Variants in MYO5B observed in about 807,000 individuals in gnomAD.
The protein encoded by MYO5B is myosin VB.
Under a neutral mutation model 229.3 loss-of-function variants are expected in MYO5B, and 143 were observed. That is an observed-to-expected ratio of 0.62 (90% CI 0.54 to 0.72). The LOEUF (loss-of-function observed/expected upper bound fraction) is 0.72. Ranked by LOEUF, MYO5B falls within the 30% of genes least tolerant of loss-of-function variation. The probability of loss-of-function intolerance (pLI) is 0.00; values close to 1 mark genes in which losing one functional copy is unlikely to be tolerated. For synonymous variants in MYO5B, 918 were observed against 885.2 expected, an observed-to-expected ratio of 1.04 and a Z score of -0.66; for missense variants, 2,321 against 2,331.0, an observed-to-expected ratio of 1.00 and a Z score of 0.09.
In MYO5B at chr18:49,824,985, G is replaced by A. The variant is rs2023824274; in HGVS notation, c.*1486C>T. 1.3e-5 allele frequency: 2 copies of A among 152,252 alleles called. No individual in the cohort carries two copies. The highest frequency in any genetic ancestry group is 4.8e-5 in the African/African-American group (2 of 41,454). The allele number at this position is 152,252 out of a possible 1,614,324, so 9.4% of individuals were successfully genotyped here. A position where few individuals can be genotyped will look rare whatever the true frequency, so the allele number is the denominator to read the frequency against. The stretch of plus-strand genomic sequence containing the variant: ...CAGTGCAGAAGGTAGCGTGGAGTGT[G>A]CTGTGTTTCCAAGAGCCTTTTAAGT... On this transcript the variant is annotated 3_prime_UTR_variant, in exon 40 of 40. Coordinates refer to ENST00000285039, the MANE Select transcript of MYO5B (RefSeq NM_001080467.3).
intron 3 of MYO5B, among the ~76,000 whole-genome samples, chr18:50,038,370 T>C (rs2029901753): frequency 6.6e-6 from 1 of 152,152 alleles, no homozygotes; most frequent in African/African-American, 2.4e-5. Context: ...AACCAGATTA[T>C]TCCACATAAA....
chr18:50,049,096 C>T (rs188075010), intron 2 of MYO5B, among the ~76,000 whole-genome samples: 153 of 151,050 alleles, frequency 1.0e-3, no homozygotes, highest in African/African-American at 3.3e-3. Context: ...GGAGTAGCAT[C>T]AAATATCCTG....
At chr18:50,098,212 T>C (rs1958651346) in intron 1 of MYO5B, among the ~76,000 whole-genome samples, 1 of 152,234 alleles carries the variant, frequency 6.6e-6, no homozygotes, top group South Asian at 2.1e-4. Context: ...GGGGTATACT[T>C]CAACAACAGT....
chr18:49,843,330 A>G lies in MYO5B; in HGVS notation c.4522T>C (p.Cys1508Arg). 6.2e-7 allele frequency: 1 copy of G among 1,614,104 alleles called. No homozygotes were observed. The highest frequency in any genetic ancestry group is 8.5e-7 in the Non-Finnish European group (1 of 1,179,996). Reference sequence around the variant, plus strand: ...TTGGTGTAGTCCGCGTGCCGGATGCACATGTAGAGGATGTAGGCGGGGAGA... The same window carrying G: ...TTGGTGTAGTCCGCGTGCCGGATGCGCATGTAGAGGATGTAGGCGGGGAGA... ...PCLPAYILYM[C>R]IRHADYTNDD... The change falls in exon 34 of 40, where the codon TGC becomes CGC. Residue 1508 changes from cysteine to arginine, a missense_variant. Around this residue, in one of 2 missense-constraint regions of MYO5B, gnomAD observed 2,113 missense variants for 2,044.7 expected, o/e 1.03. Coordinates refer to ENST00000285039, the MANE Select transcript of MYO5B (RefSeq NM_001080467.3).
At chr18:50,065,132 A>G (rs748589428) in intron 1 of MYO5B, among the ~76,000 whole-genome samples, 8 of 152,154 alleles carry the variant, frequency 5.3e-5, no homozygotes, top group Non-Finnish European at 1.0e-4. Context: ...TTAGTCAAAC[A>G]CCTATCTTTG....
intron 7 of MYO5B, among the ~76,000 whole-genome samples, chr18:49,990,015 C>T (rs965489322): frequency 6.6e-6 from 1 of 152,162 alleles, no homozygotes; most frequent in African/African-American, 2.4e-5. Flanking sequence ...TCTGCTTTAT[C>T]CTCACCCCTT....
intron 1 of MYO5B, among the ~76,000 whole-genome samples, chr18:50,120,414 T>C (rs78471277): frequency 4.5e-4 from 69 of 152,288 alleles, no homozygotes; most frequent in African/African-American, 1.5e-3. Flanking sequence ...GGGTGACCCC[T>C]CAATTCTCAG....
At chr18:49,828,617 A>G (rs28479413) in intron 39 of MYO5B, among the ~76,000 whole-genome samples, 3,774 of 152,312 alleles carry the variant, frequency 0.025, 142 homozygotes, top group South Asian at 0.12. Flanking sequence ...ACTTAGCAGC[A>G]TACACATTCT....
At chr18:49,911,728 A>G (rs1393805575) in intron 18 of MYO5B, among the ~76,000 whole-genome samples, 2 of 152,180 alleles carry the variant, frequency 1.3e-5, no homozygotes, top group Non-Finnish European at 2.9e-5. Context: ...GCAGAGCAGA[A>G]TATCTGTGTG....
chr18:49,929,228 T>C lies in MYO5B; in HGVS notation c.2090+284A>G, dbSNP rs1787610. ...GGAATTGAGAGAAGGGGAAATCCTC[T>C]TTGCAACTCTAGCTAGCTCATCACT... On this transcript the variant is annotated intron_variant, in intron 17 of 39. Transcript: ENST00000285039. Among the ~76,000 whole-genome samples the C allele has an allele frequency of 0.52, 78,786 of 151,988 alleles. 20,955 individuals are homozygous for C. Among genetic ancestry groups the C allele is most frequent in the Middle Eastern group, 0.57 (168 of 294 alleles).
chr18:49,899,818 C>T (rs996762729), intron 21 of MYO5B, among the ~76,000 whole-genome samples: 3 of 152,232 alleles, frequency 2.0e-5, no homozygotes, highest in African/African-American at 7.2e-5. Flanking sequence ...CTCCTCCCGT[C>T]TTTTCTGATC....
intron 17 of MYO5B, among the ~76,000 whole-genome samples, chr18:49,913,766 A>G (rs1320295962): frequency 1.3e-5 from 2 of 151,928 alleles, no homozygotes; most frequent in African/African-American, 4.8e-5. Flanking sequence ...CCCCTATCCT[A>G]TACCCATATA....
intron 39 of MYO5B, among the ~76,000 whole-genome samples, chr18:49,830,349 C>G (rs1026732318): frequency 6.6e-6 from 1 of 152,104 alleles, no homozygotes; most frequent in African/African-American, 2.4e-5. Context: ...TGCAACACTT[C>G]TGAAAAAGTC....
chr18:50,168,249 G>C (rs1040423770), intron 1 of MYO5B, among the ~76,000 whole-genome samples: 3 of 152,184 alleles, frequency 2.0e-5, no homozygotes, highest in African/African-American at 4.8e-5. Flanking sequence ...AGCACAGCAA[G>C]GCCTTCAACC....
chr18:49,830,522 A>AG (rs1172399308), intron 39 of MYO5B, among the ~76,000 whole-genome samples: 2 of 152,178 alleles, frequency 1.3e-5, no homozygotes, highest in Non-Finnish European at 2.9e-5. Context: ...TCAAACTTCA[A>AG]GGGATCTTGA....
At chr18:50,080,678 A>G (rs935453618) in intron 1 of MYO5B, among the ~76,000 whole-genome samples, 5 of 152,212 alleles carry the variant, frequency 3.3e-5, no homozygotes, top group South Asian at 2.1e-4. Context: ...AAGAGCCTCA[A>G]TGGAGTTATA....
At chr18:50,160,774 C>T (rs564564423) in intron 1 of MYO5B, among the ~76,000 whole-genome samples, 117 of 152,272 alleles carry the variant, frequency 7.7e-4, no homozygotes, top group African/African-American at 2.7e-3. Flanking sequence ...TAGGGCCTAG[C>T]CCAAAGGAAA....
chr18:50,001,220 C>T (rs2026043269), intron 5 of MYO5B, 35 bp downstream of exon 5: 13 of 1,613,916 alleles, frequency 8.1e-6, no homozygotes, highest in Non-Finnish European at 1.1e-5. Flanking sequence ...GGAGGAGCTC[C>T]AGCCAGGAAG....
intron 20 of MYO5B, among the ~76,000 whole-genome samples, chr18:49,904,411 T>C (rs1233378938): frequency 6.6e-6 from 1 of 152,154 alleles, no homozygotes; most frequent in Non-Finnish European, 1.5e-5. Flanking sequence ...GCCACCAGAA[T>C]TGTGAGCCAA....
Sources: allele counts gnomAD v4.1 joint callset (sites outside exome capture counted in the v4.1 genomes callset), GRCh38; gene constraint gnomAD v4.1.1; regional missense constraint gnomAD v4.1.1; transcripts MANE v1.5; gene names NCBI Gene and HGNC (gene_info 2026-07-23, HGNC 2026-07-21).